Variants in POM121 observed in about 807,000 individuals in gnomAD.
POM121 encodes the protein nuclear envelope pore membrane protein POM 121.
A neutral mutation model predicts 81.3 loss-of-function variants in POM121; 32 were observed. That is an observed-to-expected ratio of 0.39 (90% CI 0.30 to 0.53). POM121 has a LOEUF of 0.53. Ranked by LOEUF, POM121 falls within the 20% of genes least tolerant of loss-of-function variation. POM121 has a pLI of 0.66. For synonymous variants in POM121, 514 were observed against 694.2 expected (o/e 0.74, Z 4.08); for missense variants, 1,138 against 1,614.6 (o/e 0.70, Z 5.06).
chr7:72,899,201 T>C (rs1792314824), intron 3 of POM121, among the ~76,000 whole-genome samples: 1 of 152,042 alleles, frequency 6.6e-6, no homozygotes, highest in African/African-American at 2.4e-5. Flanking sequence ...GTCAGGCTGG[T>C]CTCAAACTCC....
In POM121 at chr7:72,942,826, A is replaced by AC; in HGVS notation, c.2838dup (p.Thr947HisfsTer30). ...CACTCTGACGTTCAGTAACACGAGC[A>AC]CCCCCACGTTCAACATTCCCTTTGG... On this transcript the variant is annotated frameshift_variant, in exon 11 of 13. Coordinates refer to ENST00000434423, the MANE Select transcript of POM121 (RefSeq NM_001387691.1). LOFTEE classifies it high-confidence loss of function. 1 of 1,539,934 alleles carries AC rather than the reference A, an allele frequency of 6.5e-7. No individual in the cohort carries two copies.
chr7:72,909,751 C>T (rs1793622343), intron 3 of POM121, among the ~76,000 whole-genome samples: 1 of 152,140 alleles, frequency 6.6e-6, no homozygotes, highest in Non-Finnish European at 1.5e-5. Context: ...CAGACTCAGT[C>T]ACTCCTTCTT....
rs1554497408 is a variant in POM121 at position 72,926,291 on chromosome 7, T to C, written c.674T>C (p.Val225Ala). Reference sequence around the variant, plus strand: ...TGTGGGACTTTACCAAATCGGTTTGTAATAACACCTAGAAGACGCTATCCG... The same window carrying C: ...TGTGGGACTTTACCAAATCGGTTTGCAATAACACCTAGAAGACGCTATCCG... ...RDCGTLPNRF[V>A]ITPRRRYPIH... Residue 225 changes from valine to alanine, a missense_variant, in exon 2 of 13, where the codon GTA becomes GCA. Around this residue, in one of 7 missense-constraint regions of POM121, gnomAD observed 646 missense variants for 633.5 expected, o/e 1.02. Transcript: ENST00000434423. 1 of 1,574,586 alleles carries C rather than the reference T, an allele frequency of 6.4e-7. No individual in the cohort carries two copies. The highest frequency in any genetic ancestry group is 8.6e-7 in the Non-Finnish European group (1 of 1,159,492).
In POM121 at chr7:72,902,120, C is replaced by A. The variant is rs550855838; in HGVS notation, c.-216+11010C>A. On this transcript the variant is annotated intron_variant, in intron 3 of 15. Coordinates refer to the POM121 transcript ENST00000395270. ...AGAGTGAAACTCATGAAAAAAAAAA[C>A]AAAAAACAAAAAACTGTGGACAGGA... is the stretch of plus-strand genomic sequence containing the variant. 9.2e-3 allele frequency among the ~76,000 whole-genome samples: 1,377 copies of A among 150,478 alleles called. 23 individuals carry two copies. The highest frequency in any genetic ancestry group is 0.031 in the African/African-American group (1,268 of 41,082).
chr7:72,945,714 C>G lies in POM121; in HGVS notation c.3652+6C>G. On this transcript the variant is annotated splice_donor_region_variant and intron_variant, in intron 12 of 12. Coordinates refer to ENST00000434423, the MANE Select transcript of POM121 (RefSeq NM_001387691.1). The stretch of plus-strand genomic sequence containing the variant: ...TGTTGGTGTTGCACCTTTCGGTAAG[C>G]AGCAAGCCACCCTGTGGCCCTGCTC... The G allele has an allele frequency of 6.2e-7, 1 of 1,606,780 alleles. No homozygotes were observed.
intron 3 of POM121, among the ~76,000 whole-genome samples, chr7:72,892,926 A>G (rs1178712266): frequency 2.6e-5 from 4 of 151,586 alleles, no homozygotes; most frequent in African/African-American, 7.3e-5. Context: ...CGGCCTCTCA[A>G]AGTGCTAGGA....
Position 72,925,112 on chromosome 7 carries a change from C to T in POM121, c.-10C>T, listed in dbSNP as rs1353268387. ...GGATATTTAAGTCTCCTCCGCGGCG[C>T]GGAGCCGCGATGTCTCCGGCGGCTG... On this transcript the variant is annotated 5_prime_UTR_variant, in exon 1 of 13. Transcript: ENST00000434423. 1.3e-5 allele frequency: 18 copies of T among 1,403,790 alleles called. No homozygotes were observed. Among genetic ancestry groups the T allele is most frequent in the Admixed American group, 3.7e-5 (1 of 27,356 alleles). The allele number at this position is 1,403,790 out of a possible 1,614,324, so 87.0% of individuals were successfully genotyped here. A position where few individuals can be genotyped will look rare whatever the true frequency, so the allele number is the denominator to read the frequency against.
At chr7:72,901,171 A>G (rs1209948588) in intron 3 of POM121, among the ~76,000 whole-genome samples, 1 of 134,946 alleles carries the variant, frequency 7.4e-6, no homozygotes, top group Non-Finnish European at 1.6e-5. Context: ...TATATGTTTT[A>G]TTTTTTTTAA....
intron 4 of POM121, among the ~76,000 whole-genome samples, chr7:72,914,198 C>G (rs1264116266): frequency 6.6e-6 from 1 of 152,210 alleles, no homozygotes; most frequent in Non-Finnish European, 1.5e-5. Context: ...TGGACAGGTT[C>G]TACATAGGTC....
chr7:72,941,817 A>G lies in POM121; in HGVS notation c.1844-20A>G, dbSNP rs1185758056. 2.7e-6 allele frequency: 4 copies of G among 1,489,568 alleles called. No homozygotes were observed. The highest frequency in any genetic ancestry group is 2.3e-5 in the East Asian group (1 of 44,190). The allele number at this position is 1,489,568 out of a possible 1,614,324, so 92.3% of individuals were successfully genotyped here. ...TTTGAAGTGTTTATTCCAATTTCAC[A>G]TTTTCTATTCTTCTTCCAGAATCTG... On this transcript the variant is annotated intron_variant, in intron 10 of 12. Coordinates refer to ENST00000434423, the MANE Select transcript of POM121 (RefSeq NM_001387691.1).
Position 72,926,281 on chromosome 7 carries a change from A to C in POM121, c.664A>C (p.Asn222His), listed in dbSNP as rs528679115. ...CTGCAGGGATTGTGGGACTTTACCA[A>C]ATCGGTTTGTAATAACACCTAGAAG... is the stretch of plus-strand genomic sequence containing the variant. ...PSPRDCGTLP[N>H]RFVITPRRRY... is the part of the protein sequence containing the mutation. The change falls in exon 2 of 13, where the codon AAT (asparagine) becomes CAT (histidine). Residue 222 changes from asparagine (N) to histidine (H), a missense_variant. Transcript: ENST00000434423. 5.1e-6 allele frequency: 8 copies of C among 1,564,982 alleles called. No individual in the cohort carries two copies. The highest frequency in any genetic ancestry group is 4.6e-5 in the South Asian group (4 of 86,022).
chr7:72,929,254 C>G (rs544463768), intron 4 of POM121, among the ~76,000 whole-genome samples: 1 of 152,158 alleles, frequency 6.6e-6, no homozygotes, highest in Non-Finnish European at 1.5e-5. Context: ...AGGACTGTCC[C>G]TTGAAAGAAG....
upstream of POM121, among the ~76,000 whole-genome samples, chr7:72,922,782 G>A (rs185206721): frequency 7.2e-4 from 110 of 152,208 alleles, 1 homozygote; most frequent in Admixed American, 5.1e-3. Flanking sequence ...TCTAAACACA[G>A]GAGTGCCCCG....
chr7:72,915,619 C>T (rs1248737838), intron 4 of POM121, among the ~76,000 whole-genome samples: 2 of 152,192 alleles, frequency 1.3e-5, no homozygotes, highest in Non-Finnish European at 2.9e-5. Flanking sequence ...AGGTGATCCA[C>T]TTGCTTTGGC....
intron 11 of POM121, among the ~76,000 whole-genome samples, chr7:72,944,397 A>G (rs1310197245): frequency 2.0e-5 from 3 of 152,128 alleles, no homozygotes; most frequent in African/African-American, 7.2e-5. Flanking sequence ...AGAGAGGGTC[A>G]GGATAAAGTG....
chr7:72,913,316 T>G (rs1793984997), intron 3 of POM121, among the ~76,000 whole-genome samples: 1 of 152,232 alleles, frequency 6.6e-6, no homozygotes, highest in Non-Finnish European at 1.5e-5. Flanking sequence ...TGCCGTCTCT[T>G]TATCCATAGC....
chr7:72,932,718 G>A (rs1796138947), intron 5 of POM121, among the ~76,000 whole-genome samples: 1 of 152,136 alleles, frequency 6.6e-6, no homozygotes, highest in Admixed American at 6.6e-5. Context: ...AGCAGATTTG[G>A]TTATTGTAGC....
intron 5 of POM121, among the ~76,000 whole-genome samples, chr7:72,937,538 G>C (rs1554499737): frequency 6.6e-6 from 1 of 152,004 alleles, no homozygotes; most frequent in East Asian, 1.9e-4. Context: ...TCACTGAACT[G>C]TTCTGCTGCT....
chr7:72,903,902 T>A (rs1250986956), intron 3 of POM121, among the ~76,000 whole-genome samples: 1 of 152,246 alleles, frequency 6.6e-6, no homozygotes, highest in African/African-American at 2.4e-5. Flanking sequence ...TGCCTGAGCA[T>A]CCTGAGTAGC....
Sources: allele counts gnomAD v4.1 joint callset (sites outside exome capture counted in the v4.1 genomes callset), GRCh38; gene constraint gnomAD v4.1.1; regional missense constraint gnomAD v4.1.1; transcripts MANE v1.5; gene names NCBI Gene and HGNC (gene_info 2026-07-23, HGNC 2026-07-21).